Variants in TAFA4 observed in about 807,000 individuals in gnomAD.
The protein encoded by TAFA4 is TAFA chemokine like family member 4.
TAFA4 carries 20 observed loss-of-function variants against 21.1 expected under a neutral mutation model. The observed-to-expected ratio is 0.95, with a 90% CI of 0.67 to 1.38. The LOEUF (loss-of-function observed/expected upper bound fraction) is 1.38, where lower values mean the gene tolerates loss of function less well. TAFA4 is among the 40% of genes most tolerant of loss of function. The pLI, the probability that TAFA4 is intolerant of heterozygous loss-of-function variation, is 0.00. For synonymous variants in TAFA4, 71 were observed against 67.4 expected, an observed-to-expected ratio of 1.05 and a Z score of -0.26; for missense variants, 211 against 180.9, an observed-to-expected ratio of 1.17 and a Z score of -0.95.
chr3:68,834,279 C>G (rs1380295895), intron 3 of TAFA4, among the ~76,000 whole-genome samples: 2 of 152,154 alleles, frequency 1.3e-5, no homozygotes, highest in African/African-American at 4.8e-5. Context: ...TTAGCCATGC[C>G]TGGTAGAATG....
rs1158524208 is a variant in TAFA4, at chr3:68,807,490, T to C, written c.131-54472A>G. On this transcript the variant is annotated intron_variant, in intron 3 of 5. Coordinates refer to ENST00000295569, the MANE Select transcript of TAFA4 (RefSeq NM_182522.5). ...CTTGTCACAAGAATTGGGTAGACAA[T>C]GACATTTGATATCTTACAATGCTCC... Among the ~76,000 whole-genome samples the C allele has an allele frequency of 2.6e-5, 4 of 152,186 alleles. No individual in the cohort carries two copies. The East Asian group carries it at 7.7e-4, about 29-fold the overall frequency.
At chr3:68,896,322 T>C (rs1463549173) in intron 1 of TAFA4, among the ~76,000 whole-genome samples, 2 of 152,176 alleles carry the variant, frequency 1.3e-5, no homozygotes, top group Non-Finnish European at 1.5e-5. Flanking sequence ...AATGTCCTGA[T>C]GTGGGGGCAG....
At chr3:68,928,443 G>A (rs148379007) in intron 1 of TAFA4, among the ~76,000 whole-genome samples, 1 of 152,288 alleles carries the variant, frequency 6.6e-6, no homozygotes, top group Non-Finnish European at 1.5e-5. Context: ...GATATTCTGA[G>A]TTCTTTCACA....
At chr3:68,920,365 A>T (rs1325272129) in intron 1 of TAFA4, among the ~76,000 whole-genome samples, 1 of 152,250 alleles carries the variant, frequency 6.6e-6, no homozygotes, top group African/African-American at 2.4e-5. Context: ...TGATATTTTC[A>T]CATTATACTT....
At chr3:68,849,746 C>A (rs1042906865) in intron 3 of TAFA4, among the ~76,000 whole-genome samples, 1 of 152,160 alleles carries the variant, frequency 6.6e-6, no homozygotes, top group Non-Finnish European at 1.5e-5. Flanking sequence ...AAACACTGAA[C>A]ACCAGCCCTT....
At chr3:68,748,763 GATAGAA>G (rs1286810120) in intron 4 of TAFA4, among the ~76,000 whole-genome samples, 1 of 150,826 alleles carries the variant, frequency 6.6e-6, no homozygotes, top group Non-Finnish European at 1.5e-5. Flanking sequence ...AAAAAAAAGT[GATAGAA>G]ATTGGGGCAT....
chr3:68,825,131 G>A (rs948822816), intron 3 of TAFA4, among the ~76,000 whole-genome samples: 6 of 152,002 alleles, frequency 3.9e-5, no homozygotes, highest in South Asian at 4.2e-4. Flanking sequence ...TTCCCTCTCC[G>A]TGCTGCCTCA....
chr3:68,739,248 A>G, intron 4 of TAFA4, 49 bp from the exon 5 acceptor site: 3 of 1,604,136 alleles, frequency 1.9e-6, no homozygotes, highest in South Asian at 1.1e-5. Context: ...TCTTCCTCCA[A>G]AGATGGACAA....
chr3:68,915,233 G>A (rs2089993144), intron 1 of TAFA4, among the ~76,000 whole-genome samples: 1 of 152,158 alleles, frequency 6.6e-6, no homozygotes. Flanking sequence ...TCTAAGCTCT[G>A]AGTTCTTAGG....
At chr3:68,855,647 T>C (rs1159090468) in intron 3 of TAFA4, among the ~76,000 whole-genome samples, 2 of 152,092 alleles carry the variant, frequency 1.3e-5, no homozygotes, top group East Asian at 1.9e-4. Context: ...GTAGACGTCA[T>C]GTATCTTAAA....
chr3:68,738,400 T>C (rs886990314), intron 5 of TAFA4, among the ~76,000 whole-genome samples: 5 of 152,160 alleles, frequency 3.3e-5, no homozygotes, highest in Non-Finnish European at 2.9e-5. Flanking sequence ...TACAAAATTA[T>C]TGTAGTCACT....
intron 1 of TAFA4, among the ~76,000 whole-genome samples, chr3:68,896,720 G>T (rs2089793261): frequency 6.6e-6 from 1 of 152,206 alleles, no homozygotes; most frequent in South Asian, 2.1e-4. Context: ...GGAGAGTAGG[G>T]TACCTGTGAA....
intron 3 of TAFA4, among the ~76,000 whole-genome samples, chr3:68,869,827 T>C (rs2089463023): frequency 6.6e-6 from 1 of 152,026 alleles, no homozygotes; most frequent in South Asian, 2.1e-4. Flanking sequence ...TTTACCACTT[T>C]TTTTCAACAT....
chr3:68,734,701 G>C (rs750941043), intron 5 of TAFA4, among the ~76,000 whole-genome samples: 4 of 152,092 alleles, frequency 2.6e-5, no homozygotes, highest in Non-Finnish European at 5.9e-5. Context: ...CTTTGCCTTA[G>C]TTTCTTCATC....
chr3:68,849,122 C>G (rs1333191466), intron 3 of TAFA4, among the ~76,000 whole-genome samples: 5 of 152,132 alleles, frequency 3.3e-5, no homozygotes, highest in Non-Finnish European at 5.9e-5. Context: ...TCTCTTCTAG[C>G]AGTAAGATCC....
At chr3:68,834,443 T>A (rs750551168) in intron 3 of TAFA4, among the ~76,000 whole-genome samples, 1 of 152,170 alleles carries the variant, frequency 6.6e-6, no homozygotes, top group Non-Finnish European at 1.5e-5. Context: ...TTTACTGTGC[T>A]CATAAAACCC....
At chr3:68,800,809 G>T (rs1366675015) in intron 3 of TAFA4, among the ~76,000 whole-genome samples, 1 of 152,188 alleles carries the variant, frequency 6.6e-6, no homozygotes, top group African/African-American at 2.4e-5. Context: ...AATTTAATAA[G>T]AACCGAAGCA....
chr3:68,837,233 A>G (rs1325359908), intron 3 of TAFA4, among the ~76,000 whole-genome samples: 1 of 152,244 alleles, frequency 6.6e-6, no homozygotes, highest in African/African-American at 2.4e-5. Flanking sequence ...ATGATGTCCA[A>G]GAACAGGCAT....
intron 3 of TAFA4, among the ~76,000 whole-genome samples, chr3:68,802,547 G>A (rs1250576551): frequency 2.0e-5 from 3 of 152,018 alleles, no homozygotes; most frequent in African/African-American, 7.2e-5. Context: ...GCTTTGGTAT[G>A]GTGAGTATGG....
Sources: allele counts gnomAD v4.1 joint callset (sites outside exome capture counted in the v4.1 genomes callset), GRCh38; gene constraint gnomAD v4.1.1; transcripts MANE v1.5; gene names NCBI Gene and HGNC (gene_info 2026-07-23, HGNC 2026-07-21).